PCDH11X: variants seen among roughly 807,000 people sequenced by gnomAD.
PCDH11X encodes the protein protocadherin-11 X-linked.
A neutral mutation model predicts 53.3 loss-of-function variants in PCDH11X; 18 were observed. The ratio of observed to expected loss-of-function variants is 0.34; its 90% confidence interval spans 0.23 to 0.50. The LOEUF is 0.50. PCDH11X is among the 20% of genes least tolerant of loss of function. The probability of loss-of-function intolerance (pLI) is 0.98; values close to 1 mark genes in which losing one functional copy is unlikely to be tolerated. For synonymous variants in PCDH11X, 279 were observed against 393.3 expected, an observed-to-expected ratio of 0.71 and a Z score of 3.44; for missense variants, 570 against 1,032.4, an observed-to-expected ratio of 0.55 and a Z score of 6.14.
chrX:92,146,292 A>G (rs1439801394), intron 6 of PCDH11X, among the ~76,000 whole-genome samples: 24 of 110,753 alleles, frequency 2.2e-4, no homozygotes, highest in Non-Finnish European at 3.4e-4. Context: ...CTGGGAGTCT[A>G]TTAAACTGGA....
At chrX:91,784,305 C>T (rs910909179) in intron 1 of PCDH11X, among the ~76,000 whole-genome samples, 17 of 111,918 alleles carry the variant, frequency 1.5e-4, no homozygotes, top group Non-Finnish European at 2.6e-4. Context: ...GATAATGTAA[C>T]ATCCAGAAAA....
chrX:91,869,630 G>A (rs942045638), intron 5 of PCDH11X, among the ~76,000 whole-genome samples: 6 of 111,066 alleles, frequency 5.4e-5, no homozygotes, highest in Non-Finnish European at 1.1e-4. Context: ...GCAACAATTA[G>A]GAGTGGCATT....
At chrX:92,415,633 T>C (rs12855300) in intron 9 of PCDH11X, among the ~76,000 whole-genome samples, 1 of 112,094 alleles carries the variant, frequency 8.9e-6, no homozygotes, top group Non-Finnish European at 1.9e-5. Context: ...AAAATATTTC[T>C]GGTAAAAATA....
At chrX:91,976,458 C>T (rs1404444558) in intron 6 of PCDH11X, among the ~76,000 whole-genome samples, 3 of 111,995 alleles carry the variant, frequency 2.7e-5, no homozygotes, top group African/African-American at 6.5e-5. Context: ...TTTCTCTCTT[C>T]TATAAGGGTA....
intron 10 of PCDH11X, among the ~76,000 whole-genome samples, chrX:92,516,888 T>C (rs1033011952): frequency 4.5e-5 from 5 of 112,350 alleles, no homozygotes; most frequent in African/African-American, 1.6e-4. Flanking sequence ...TTCAGGACCA[T>C]TGTAGAGAAA....
At chrX:92,451,734 G>A (rs753476075) in intron 9 of PCDH11X, among the ~76,000 whole-genome samples, 1 of 111,828 alleles carries the variant, frequency 8.9e-6, no homozygotes, top group East Asian at 2.8e-4. Context: ...CAAACTTCTG[G>A]CATTCTAATT....
At chrX:92,536,700 C>T (rs1163991104) in intron 10 of PCDH11X, among the ~76,000 whole-genome samples, 1 of 96,138 alleles carries the variant, frequency 1.0e-5, no homozygotes, top group Admixed American at 1.2e-4. Context: ...TTCTGTCACC[C>T]AGGCTGGAGT....
At chrX:92,164,107 A>T (rs1445312233) in intron 6 of PCDH11X, among the ~76,000 whole-genome samples, 79 of 112,332 alleles carry the variant, frequency 7.0e-4, no homozygotes, top group East Asian at 5.6e-4. Flanking sequence ...TAGAATTATC[A>T]TCTGGTTTCC....
intron 6 of PCDH11X, among the ~76,000 whole-genome samples, chrX:91,991,585 C>CTT (rs1190657424): frequency 2.5e-5 from 2 of 80,894 alleles, no homozygotes; most frequent in African/African-American, 9.2e-5. Flanking sequence ...CTATTTAATT[C>CTT]TTTTTTTTTT....
intron 10 of PCDH11X, among the ~76,000 whole-genome samples, chrX:92,503,147 A>G (rs1373791876): frequency 9.1e-6 from 1 of 110,001 alleles, no homozygotes; most frequent in East Asian, 2.9e-4. Flanking sequence ...ACTGATCATT[A>G]GAGATCCTCA....
chrX:91,989,610 C>T (rs2062287253), intron 6 of PCDH11X, among the ~76,000 whole-genome samples: 2 of 107,783 alleles, frequency 1.9e-5, no homozygotes, highest in African/African-American at 6.7e-5. Context: ...CCAAAGGAAA[C>T]AATACAGAAT....
rs1270664829 is a variant in PCDH11X at position 91,828,215 on chromosome X, G to GT, written c.-44-7244dup. 1.1e-3 allele frequency among the ~76,000 whole-genome samples: 116 copies of GT among 105,811 alleles called. 1 individual carries two copies. Among genetic ancestry groups the GT allele is most frequent in the African/African-American group, 3.9e-3 (111 of 28,167 alleles). The allele number at this position is 105,811 out of a possible 115,157, so 91.9% of individuals were successfully genotyped here. A position where few individuals can be genotyped will look rare whatever the true frequency, so the allele number is the denominator to read the frequency against. On this transcript the variant is annotated intron_variant, in intron 4 of 10. Transcript: ENST00000682573. ...GCTCACTGCAAGCTCCGCCTCCCGGGTTCACGCCATTCTCCTGCCTCAGCC... is the reference window on the plus strand; with the variant it reads ...GCTCACTGCAAGCTCCGCCTCCCGGGTTTCACGCCATTCTCCTGCCTCAGCC...
intron 6 of PCDH11X, among the ~76,000 whole-genome samples, chrX:91,893,387 G>A (rs1383242569): frequency 4.0e-5 from 4 of 100,995 alleles, no homozygotes; most frequent in Non-Finnish European, 6.0e-5. Context: ...TCGCTCTGTC[G>A]CCCAGGCTGG....
chrX:92,208,125 G>T (rs2066509161), intron 7 of PCDH11X, among the ~76,000 whole-genome samples: 1 of 106,762 alleles, frequency 9.4e-6, no homozygotes, highest in Admixed American at 1.0e-4. Context: ...AACCCGGGTG[G>T]CAGAGGTTGC....
At chrX:92,252,266 A>G (rs1437225525) in intron 7 of PCDH11X, among the ~76,000 whole-genome samples, 2 of 110,486 alleles carry the variant, frequency 1.8e-5, no homozygotes, top group African/African-American at 6.6e-5. Context: ...ATTTTTCCTC[A>G]GTCATAGGAC....
chrX:92,057,288 CCTAG>C (rs1349608982), intron 6 of PCDH11X, among the ~76,000 whole-genome samples: 1 of 108,797 alleles, frequency 9.2e-6, no homozygotes, highest in African/African-American at 3.3e-5. Flanking sequence ...TTCTTTCTGT[CCTAG>C]CTAAGTGGGA....
chrX:92,160,912 C>A (rs1420639704), intron 6 of PCDH11X, among the ~76,000 whole-genome samples: 1 of 111,031 alleles, frequency 9.0e-6, no homozygotes, highest in Non-Finnish European at 1.9e-5. Context: ...TATTTGGAAT[C>A]CCTGATCATT....
chrX:91,902,000 T>G (rs753851582), intron 6 of PCDH11X, among the ~76,000 whole-genome samples: 1 of 111,298 alleles, frequency 9.0e-6, no homozygotes, highest in African/African-American at 3.3e-5. Flanking sequence ...AAAGTCCCAG[T>G]TGGTAGGAAT....
intron 6 of PCDH11X, among the ~76,000 whole-genome samples, chrX:91,911,639 G>T (rs889991789): frequency 4.5e-5 from 5 of 110,073 alleles, no homozygotes; most frequent in Admixed American, 3.9e-4. Context: ...TCCAGCCTCT[G>T]GTAACCATTC....
Sources: gnomAD v4.1 joint callset for allele counts (sites outside exome capture counted in the v4.1 genomes callset) on GRCh38, gnomAD v4.1.1 for gene constraint, MANE v1.5 for transcripts, NCBI Gene and HGNC (gene_info 2026-07-23, HGNC 2026-07-21) for gene names.